TP63: variants seen among roughly 807,000 people sequenced by gnomAD.
TP63 encodes tumor protein p63.
TP63 carries 17 observed loss-of-function variants against 82.8 expected under a neutral mutation model. The ratio of observed to expected loss-of-function variants is 0.21; its 90% CI spans 0.14 to 0.31. TP63 has a LOEUF of 0.31. Among genes scored for constraint, TP63 ranks in the 10% least tolerant of loss-of-function variants. The probability of loss-of-function intolerance (pLI) is 1.00; values close to 1 mark genes in which losing one functional copy is unlikely to be tolerated. For synonymous variants in TP63, 330 were observed against 321.7 expected, an observed-to-expected ratio of 1.03 and a Z score of -0.28; for missense variants, 648 against 895.3, an observed-to-expected ratio of 0.72 and a Z score of 3.52.
At chr3:189,672,733 AAAG>A (rs879381546) in intron 1 of TP63, among the ~76,000 whole-genome samples, 51 of 148,990 alleles carry the variant, frequency 3.4e-4, no homozygotes, top group African/African-American at 4.2e-4. Flanking sequence ...AGGCAGGTAA[AAAG>A]AAGAAGAGAT....
intron 1 of TP63, among the ~76,000 whole-genome samples, chr3:189,642,080 T>G (rs1366209129): frequency 6.6e-6 from 1 of 152,194 alleles, no homozygotes; most frequent in Non-Finnish European, 1.5e-5. Context: ...TTTTCAAGTT[T>G]CTGGAAAACA....
intron 1 of TP63, among the ~76,000 whole-genome samples, chr3:189,686,529 AC>A (rs1716450236): frequency 6.6e-6 from 1 of 152,024 alleles, no homozygotes; most frequent in South Asian, 2.1e-4. Flanking sequence ...TTTCTTAGAA[AC>A]ATAATTTCAT....
intron 1 of TP63, among the ~76,000 whole-genome samples, chr3:189,658,148 C>A (rs1361444111): frequency 6.6e-6 from 1 of 151,922 alleles, no homozygotes; most frequent in Non-Finnish European, 1.5e-5. Context: ...TACAAAGGCA[C>A]CAACTGAAGA....
chr3:189,683,557 G>A (rs903311942), intron 1 of TP63, among the ~76,000 whole-genome samples: 1 of 152,162 alleles, frequency 6.6e-6, no homozygotes, highest in African/African-American at 2.4e-5. Flanking sequence ...CAGGAAAAAT[G>A]CCACTTCTAA....
chr3:189,621,529 A>C, the TP63 span, among the ~76,000 whole-genome samples: 1 of 151,844 alleles, frequency 6.6e-6, no homozygotes, highest in Non-Finnish European at 1.5e-5. Context: ...ATATAGAGAG[A>C]AATATACACA....
intron 3 of TP63, among the ~76,000 whole-genome samples, chr3:189,799,294 A>G (rs908805605): frequency 6.6e-6 from 1 of 152,116 alleles, no homozygotes; most frequent in African/African-American, 2.4e-5. Context: ...TGGGCATAAA[A>G]TCATGGAAAT....
chr3:189,767,316 A>G (rs1162106282), intron 3 of TP63, among the ~76,000 whole-genome samples: 1 of 152,178 alleles, frequency 6.6e-6, no homozygotes, highest in Non-Finnish European at 1.5e-5. Context: ...AATAACTCAC[A>G]TAACATGTTC....
chr3:189,703,306 C>T (rs1461699157), intron 1 of TP63, among the ~76,000 whole-genome samples: 1 of 152,110 alleles, frequency 6.6e-6, no homozygotes, highest in Non-Finnish European at 1.5e-5. Flanking sequence ...TGGGGGCATG[C>T]GCCTGTAGTC....
intron 4 of TP63, among the ~76,000 whole-genome samples, chr3:189,859,771 TG>T (rs1716786600): frequency 6.6e-6 from 1 of 151,896 alleles, no homozygotes; most frequent in African/African-American, 2.4e-5. Context: ...TAGAAAAAAA[TG>T]GAAATAATTG....
At chr3:189,655,561 G>A (rs1422450620) in intron 1 of TP63, among the ~76,000 whole-genome samples, 1 of 152,164 alleles carries the variant, frequency 6.6e-6, no homozygotes, top group East Asian at 1.9e-4. Context: ...GGTGGAGGTT[G>A]CAGTGAGGTG....
intron 1 of TP63, among the ~76,000 whole-genome samples, chr3:189,677,327 C>T (rs372951260): frequency 1.6e-5 from 1 of 60,652 alleles, no homozygotes; most frequent in Non-Finnish European, 5.1e-5. Context: ...TATACACACA[C>T]ATATTTATAT....
At chr3:189,731,589 A>G (rs1720180118) in intron 1 of TP63, among the ~76,000 whole-genome samples, 1 of 152,212 alleles carries the variant, frequency 6.6e-6, no homozygotes, top group African/African-American at 2.4e-5. Flanking sequence ...ACAGACTAAA[A>G]TGACAACATT....
At chr3:189,682,515 C>A (rs1183407842) in intron 1 of TP63, among the ~76,000 whole-genome samples, 1 of 132,918 alleles carries the variant, frequency 7.5e-6, no homozygotes, top group African/African-American at 2.9e-5. Context: ...CAGTTTCATT[C>A]CTGGGACTTG....
chr3:189,875,587 T>A (rs1320729785), intron 10 of TP63, among the ~76,000 whole-genome samples: 1 of 30,300 alleles, frequency 3.3e-5, no homozygotes, highest in African/African-American at 1.1e-4. Context: ...GAAAAAAAAA[T>A]ACATACATAT....
At chr3:189,851,179 A>G (rs963535621) in intron 4 of TP63, among the ~76,000 whole-genome samples, 1 of 152,180 alleles carries the variant, frequency 6.6e-6, no homozygotes, top group Non-Finnish European at 1.5e-5. Flanking sequence ...TTATATGTGT[A>G]ATGGTGAAGT....
chr3:189,823,191 G>A (rs1728974238), intron 4 of TP63, among the ~76,000 whole-genome samples: 2 of 152,154 alleles, frequency 1.3e-5, no homozygotes, highest in African/African-American at 4.8e-5. Flanking sequence ...AGCCTTCTGT[G>A]CCTTTCCCCA....
intron 4 of TP63, among the ~76,000 whole-genome samples, chr3:189,814,539 G>T (rs1727951825): frequency 6.6e-6 from 1 of 152,106 alleles, no homozygotes; most frequent in Non-Finnish European, 1.5e-5. Flanking sequence ...GTGCCTTTTT[G>T]TGCCACTCCC....
At chr3:189,839,182 C>G (rs2108734851) in intron 4 of TP63, among the ~76,000 whole-genome samples, 1 of 152,180 alleles carries the variant, frequency 6.6e-6, no homozygotes, top group South Asian at 2.1e-4. Flanking sequence ...ACCTGGGCAT[C>G]CATTTCTCTG....
intron 3 of TP63, among the ~76,000 whole-genome samples, chr3:189,749,822 A>G (rs1251507585): frequency 6.6e-6 from 1 of 152,194 alleles, no homozygotes. Flanking sequence ...AATACTATTC[A>G]GCTATAAAAA....
Sources: allele counts gnomAD v4.1 joint callset (sites outside exome capture counted in the v4.1 genomes callset), GRCh38; gene constraint gnomAD v4.1.1; transcripts MANE v1.5; gene names NCBI Gene and HGNC (gene_info 2026-07-23, HGNC 2026-07-21).